COBL: variants seen among roughly 807,000 people sequenced by gnomAD.
COBL encodes the protein cordon-bleu WH2 repeat protein, also known as protein cordon-bleu.
In COBL, 51 loss-of-function variants were observed where a neutral mutation model predicts 98.8. That is an observed-to-expected ratio of 0.52 (90% CI 0.41 to 0.65). The LOEUF is 0.65. Ranked by LOEUF, COBL falls within the 30% of genes least tolerant of loss-of-function variation. The pLI is 0.00. For synonymous variants in COBL, 634 were observed against 651.7 expected (o/e 0.97, Z 0.41); for missense variants, 1,617 against 1,617.5 (o/e 1.00, Z 0.01).
chr7:51,016,218 T>A lies in COBL; in HGVS notation c.*1333A>T, dbSNP rs1436450045. 1 of 152,182 alleles carries A rather than the reference T, an allele frequency of 6.6e-6. No individual in the cohort carries two copies. Among genetic ancestry groups the A allele is most frequent in the Non-Finnish European group, 1.5e-5 (1 of 68,034 alleles). The allele number at this position is 152,182 out of a possible 1,614,324, so 9.4% of individuals were successfully genotyped here. A position where few individuals can be genotyped will look rare whatever the true frequency, so the allele number is the denominator to read the frequency against. ...ATGAAATTCACACAACAGCTAAGAT[T>A]TGATTTTCTTTTATTTGTGGCACTA... On this transcript the variant is annotated 3_prime_UTR_variant, in exon 13 of 13. Transcript: ENST00000265136.
At chr7:51,055,047 G>T (rs1206692066) in intron 7 of COBL, among the ~76,000 whole-genome samples, 1 of 152,182 alleles carries the variant, frequency 6.6e-6, no homozygotes, top group East Asian at 1.9e-4. Flanking sequence ...AAGGGAGCAG[G>T]TTCAGAGAGA....
chr7:51,135,791 G>A (rs905322248), intron 6 of COBL, among the ~76,000 whole-genome samples: 4 of 152,194 alleles, frequency 2.6e-5, no homozygotes, highest in Non-Finnish European at 5.9e-5. Context: ...GTTGGCATTT[G>A]TGGCATGCTG....
At chr7:51,193,957 G>T (rs906939034) in intron 2 of COBL, among the ~76,000 whole-genome samples, 5 of 152,082 alleles carry the variant, frequency 3.3e-5, no homozygotes, top group African/African-American at 7.2e-5. Flanking sequence ...GTATCTTTTT[G>T]ATTTAACTTT....
At chr7:51,232,802 C>A (rs529067091) in intron 1 of COBL, among the ~76,000 whole-genome samples, 1 of 151,968 alleles carries the variant, frequency 6.6e-6, no homozygotes, top group African/African-American at 2.4e-5. Flanking sequence ...CAGAGAGAGA[C>A]CCCACCACAA....
At chr7:51,038,886 A>G (rs1788888384) in intron 8 of COBL, among the ~76,000 whole-genome samples, 1 of 152,200 alleles carries the variant, frequency 6.6e-6, no homozygotes, top group Admixed American at 6.5e-5. Context: ...GGGGATGGAG[A>G]GGGCTCATGT....
At chr7:51,038,362 G>A (rs910913601) in intron 8 of COBL, among the ~76,000 whole-genome samples, 1 of 152,198 alleles carries the variant, frequency 6.6e-6, no homozygotes, top group South Asian at 2.1e-4. Flanking sequence ...ACTGGGCCAG[G>A]ACAGTTTTTA....
intron 1 of COBL, among the ~76,000 whole-genome samples, chr7:51,250,251 G>T (rs1796617843): frequency 6.6e-6 from 1 of 152,122 alleles, no homozygotes; most frequent in South Asian, 2.1e-4. Context: ...AAAGTGACTG[G>T]TACACACTCA....
intron 2 of COBL, among the ~76,000 whole-genome samples, chr7:51,213,842 C>G (rs941775783): frequency 2.6e-5 from 4 of 152,146 alleles, no homozygotes; most frequent in African/African-American, 9.7e-5. Context: ...ACCCACACAC[C>G]TCCTGGGGCC....
chr7:51,166,878 G>A (rs564414592), intron 5 of COBL, among the ~76,000 whole-genome samples: 1 of 152,186 alleles, frequency 6.6e-6, no homozygotes, highest in South Asian at 2.1e-4. Flanking sequence ...AATCGATATT[G>A]AAAAGCATTT....
intron 5 of COBL, among the ~76,000 whole-genome samples, chr7:51,179,397 G>C (rs953280555): frequency 6.6e-6 from 1 of 151,790 alleles, no homozygotes; most frequent in African/African-American, 2.4e-5. Flanking sequence ...GTAGAGATGG[G>C]GTTTCACCAT....
intron 6 of COBL, among the ~76,000 whole-genome samples, chr7:51,098,870 G>T (rs1230828731): frequency 2.0e-5 from 3 of 152,072 alleles, no homozygotes; most frequent in African/African-American, 7.2e-5. Context: ...CTGAAAGGGG[G>T]TTAATATATA....
chr7:51,169,055 C>T (rs898868027), intron 5 of COBL, among the ~76,000 whole-genome samples: 1 of 152,244 alleles, frequency 6.6e-6, no homozygotes, highest in African/African-American at 2.4e-5. Flanking sequence ...CCAGCATTAA[C>T]ATCAACTCAG....
At chr7:51,026,400 A>G (rs2128868744) in intron 11 of COBL, 146 bp downstream of exon 11, 3 of 1,124,366 alleles carry the variant, frequency 2.7e-6, no homozygotes, top group Non-Finnish European at 2.5e-6. Context: ...AGTGTCTCAC[A>G]CAGGCTGGGA....
intron 1 of COBL, among the ~76,000 whole-genome samples, chr7:51,287,876 C>A (rs780554269): frequency 6.6e-6 from 1 of 152,060 alleles, no homozygotes; most frequent in Non-Finnish European, 1.5e-5. Context: ...TGACAGTTGA[C>A]TGAAAGGAGC....
At chr7:51,161,175 G>T (rs977337788) in intron 5 of COBL, among the ~76,000 whole-genome samples, 1 of 152,124 alleles carries the variant, frequency 6.6e-6, no homozygotes, top group South Asian at 2.1e-4. Flanking sequence ...GCCCAGAAAA[G>T]CTCGCGAGGG....
Position 51,016,582 on chromosome 7 carries a change from G to A in COBL, c.*969C>T, listed in dbSNP as rs956053581. ...ACGATATCATACAAAGGGAGCCAAT[G>A]AGCTGTTGGACAAACGCGTCAAGGC... On this transcript the variant is annotated 3_prime_UTR_variant, in exon 13 of 13. Coordinates refer to ENST00000265136, the MANE Select transcript of COBL (RefSeq NM_015198.5). The A allele has an allele frequency of 1.5e-5, 3 of 199,616 alleles. No homozygotes were observed. The highest frequency in any genetic ancestry group is 3.0e-5 in the Non-Finnish European group (3 of 99,712). 12.4% of individuals were successfully genotyped at this position (199,616 alleles called of 1,614,324 possible). A position where few individuals can be genotyped will look rare whatever the true frequency, so the allele number is the denominator to read the frequency against.
Position 51,086,580 on chromosome 7 carries a change from T to C in COBL, c.958-1276A>G, listed in dbSNP as rs563878252. On this transcript the variant is annotated intron_variant, in intron 6 of 12. Transcript: ENST00000265136. Reference sequence around the variant, plus strand: ...GGTTTATTAACTCATGCTTGCACCATGTGTACCACGTATATGGGAGAGAGA... The same window carrying C: ...GGTTTATTAACTCATGCTTGCACCACGTGTACCACGTATATGGGAGAGAGA... Among the ~76,000 whole-genome samples, 297 of 151,712 alleles carry C rather than the reference T, an allele frequency of 2.0e-3. 1 individual carries two copies. Among genetic ancestry groups the C allele is most frequent in the African/African-American group, 6.4e-3 (264 of 41,300 alleles).
intron 2 of COBL, among the ~76,000 whole-genome samples, chr7:51,204,622 C>G (rs1791491645): frequency 6.7e-6 from 1 of 149,524 alleles, no homozygotes. Context: ...GCTATCTCGG[C>G]TCACTGCAAC....
chr7:51,165,763 C>T (rs1413497329), intron 5 of COBL, among the ~76,000 whole-genome samples: 1 of 151,930 alleles, frequency 6.6e-6, no homozygotes, highest in Non-Finnish European at 1.5e-5. Flanking sequence ...TAATATCAAG[C>T]ATCTTCTCTG....
Sources: allele counts gnomAD v4.1 joint callset (sites outside exome capture counted in the v4.1 genomes callset), GRCh38; gene constraint gnomAD v4.1.1; transcripts MANE v1.5; gene names NCBI Gene and HGNC (gene_info 2026-07-23, HGNC 2026-07-21).